Variants in ANKH observed in about 807,000 individuals in gnomAD.
ANKH encodes the protein mineralization regulator ANKH.
Under a neutral mutation model 49.0 loss-of-function variants are expected in ANKH, and 15 were observed. The ratio of observed to expected loss-of-function variants is 0.31; its 90% confidence interval spans 0.20 to 0.47. ANKH has a LOEUF of 0.47. Ranked by LOEUF, ANKH falls within the 20% of genes least tolerant of loss-of-function variation. The probability of loss-of-function intolerance (pLI) is 1.00; values close to 1 mark genes in which losing one functional copy is unlikely to be tolerated. For synonymous variants in ANKH, 273 were observed against 260.0 expected (o/e 1.05, Z -0.48); for missense variants, 429 against 652.0 (o/e 0.66, Z 3.72).
At chr5:14,754,172 T>G (rs969915059) in intron 4 of ANKH, among the ~76,000 whole-genome samples, 2 of 152,236 alleles carry the variant, frequency 1.3e-5, no homozygotes, top group Non-Finnish European at 2.9e-5. Context: ...ATCTGTTTAT[T>G]CTAAACTTGC....
chr5:14,850,870 GTTT>G (rs113379384), intron 1 of ANKH, among the ~76,000 whole-genome samples: 28 of 148,854 alleles, frequency 1.9e-4, no homozygotes, highest in African/African-American at 6.6e-4. Context: ...CCCTCATCGA[GTTT>G]TTTTTTTTCT....
In ANKH at chr5:14,743,170, T is replaced by C. The variant is rs1298231272; in HGVS notation, c.916-1248A>G. On this transcript the variant is annotated intron_variant, in intron 7 of 11. Coordinates refer to ENST00000284268, the MANE Select transcript of ANKH (RefSeq NM_054027.6). ...ATTCTAGTCTCTAAAACATATCTGT[T>C]TTCTAGACTGCTCTATGGCAAAGTA... 2.0e-5 allele frequency among the ~76,000 whole-genome samples: 3 copies of C among 152,216 alleles called. No individual in the cohort carries two copies. In the East Asian group the frequency reaches 5.8e-4, roughly 29 times the overall value.
At chr5:14,857,727 G>A (rs1735323342) in intron 1 of ANKH, among the ~76,000 whole-genome samples, 1 of 152,186 alleles carries the variant, frequency 6.6e-6, no homozygotes, top group Non-Finnish European at 1.5e-5. Flanking sequence ...AACAAATAAT[G>A]TGAAGGAGTT....
chr5:14,743,287 T>C (rs1313368625), intron 7 of ANKH, among the ~76,000 whole-genome samples: 1 of 152,204 alleles, frequency 6.6e-6, no homozygotes, highest in African/African-American at 2.4e-5. Flanking sequence ...CTGGGTACGA[T>C]GAGGAGGCCT....
intron 8 of ANKH, among the ~76,000 whole-genome samples, chr5:14,730,745 G>A (rs1737972364): frequency 6.6e-6 from 1 of 152,236 alleles, no homozygotes; most frequent in Non-Finnish European, 1.5e-5. Flanking sequence ...TGCAGGAGAA[G>A]GACCCCAAAC....
intron 1 of ANKH, among the ~76,000 whole-genome samples, chr5:14,847,466 C>G (rs1741997309): frequency 6.6e-6 from 1 of 152,182 alleles, no homozygotes; most frequent in Non-Finnish European, 1.5e-5. Context: ...GGAGCAAGGT[C>G]CCAGGGCTGC....
chr5:14,816,078 T>C (rs1342063690), intron 1 of ANKH, among the ~76,000 whole-genome samples: 1 of 152,226 alleles, frequency 6.6e-6, no homozygotes, highest in Non-Finnish European at 1.5e-5. Context: ...GAAAAATAAG[T>C]ATTCCTGACC....
chr5:14,758,504 G>C lies in ANKH; in HGVS notation c.408C>G (p.Ala136=), dbSNP rs761878319. 1.9e-6 allele frequency: 3 copies of C among 1,614,036 alleles called. No individual in the cohort carries two copies. Among genetic ancestry groups the C allele is most frequent in the South Asian group, 1.1e-5 (1 of 91,078 alleles). The change falls in exon 3 of 12, where the codon GCC becomes GCG. Residue 136 remains alanine (A), a synonymous_variant. Coordinates refer to ENST00000284268, the MANE Select transcript of ANKH (RefSeq NM_054027.6). ...CCATTGCGTCCATGAAAGGAAAGGC[G>C]GCGAGGTACAGGAAGGCCCTTCTCG... The part of the protein sequence containing the change: ...SKTRRAFLYL[A]AFPFMDAMAW...
At chr5:14,844,902 T>C (rs1283696318) in intron 1 of ANKH, among the ~76,000 whole-genome samples, 2 of 152,188 alleles carry the variant, frequency 1.3e-5, no homozygotes, top group African/African-American at 4.8e-5. Flanking sequence ...TTCGGGAGGA[T>C]TGGAGCCATA....
At chr5:14,830,035 A>G (rs1248265996) in intron 1 of ANKH, among the ~76,000 whole-genome samples, 1 of 152,194 alleles carries the variant, frequency 6.6e-6, no homozygotes, top group Non-Finnish European at 1.5e-5. Context: ...TGTATGAGAG[A>G]TGGAGGCATG....
chr5:14,731,923 G>T (rs1738017460), intron 8 of ANKH, among the ~76,000 whole-genome samples: 1 of 152,260 alleles, frequency 6.6e-6, no homozygotes, highest in South Asian at 2.1e-4. Flanking sequence ...AGACACACGG[G>T]AGGCCCAGGG....
intron 9 of ANKH, among the ~76,000 whole-genome samples, chr5:14,714,034 G>A (rs1737346540): frequency 6.6e-6 from 1 of 152,272 alleles, no homozygotes; most frequent in Non-Finnish European, 1.5e-5. Context: ...AGAGAAAAGT[G>A]GCACTCTAGT....
chr5:14,819,065 G>A (rs563667703), intron 1 of ANKH, among the ~76,000 whole-genome samples: 12 of 152,270 alleles, frequency 7.9e-5, no homozygotes, highest in Admixed American at 4.6e-4. Flanking sequence ...CTCTGAATAC[G>A]GAGTTAATGA....
chr5:14,716,220 C>T (rs921849224), intron 9 of ANKH, among the ~76,000 whole-genome samples: 3 of 152,108 alleles, frequency 2.0e-5, no homozygotes, highest in South Asian at 2.1e-4. Flanking sequence ...ACAAGTTGTA[C>T]GCCAGGTGCA....
intron 1 of ANKH, among the ~76,000 whole-genome samples, chr5:14,838,067 A>C (rs1365080385): frequency 6.6e-6 from 1 of 152,172 alleles, no homozygotes; most frequent in Non-Finnish European, 1.5e-5. Context: ...GAACAATGAG[A>C]ACACTTGGAC....
rs374587991 is a variant in ANKH at position 14,706,569 on chromosome 5, C to T, written c.*4628G>A. On this transcript the variant is annotated 3_prime_UTR_variant, in exon 12 of 12. Coordinates refer to ENST00000284268, the MANE Select transcript of ANKH (RefSeq NM_054027.6). ...CAGATAGTATACTATATATTTGTGA[C>T]TTTTCTGAGTGGAGTTTGGGTTATT... The T allele has an allele frequency of 6.6e-5, 10 of 152,246 alleles. No homozygotes were observed. In the East Asian group the frequency reaches 1.2e-3, roughly 18 times the overall value. The allele number at this position is 152,246 out of a possible 1,614,324, so 9.4% of individuals were successfully genotyped here. A position where few individuals can be genotyped will look rare whatever the true frequency, so the allele number is the denominator to read the frequency against.
intron 2 of ANKH, among the ~76,000 whole-genome samples, chr5:14,761,567 A>G (rs11747945): frequency 0.29 from 44,418 of 151,372 alleles, 7,514 homozygotes; most frequent in Admixed American, 0.39. Context: ...ACAATGTGTG[A>G]CAGCAGTCAC....
chr5:14,747,783 G>A, intron 6 of ANKH, among the ~76,000 whole-genome samples: 1 of 152,194 alleles, frequency 6.6e-6, no homozygotes, highest in East Asian at 1.9e-4. Flanking sequence ...AAAGTGTGGT[G>A]TGGCGTGCTG....
intron 4 of ANKH, 66 bp from the exon 5 acceptor site, chr5:14,751,305 G>A: frequency 6.5e-7 from 1 of 1,533,260 alleles, no homozygotes; most frequent in South Asian, 1.1e-5. Context: ...AGAAGCACAG[G>A]GGCACGCTCT....
Sources: gnomAD v4.1 joint callset for allele counts (sites outside exome capture counted in the v4.1 genomes callset) on GRCh38, gnomAD v4.1.1 for gene constraint, MANE v1.5 for transcripts, NCBI Gene and HGNC (gene_info 2026-07-23, HGNC 2026-07-21) for gene names.